The following CNGA1 variants were observed in gnomAD, a reference collection of about 807,000 sequenced individuals.
The protein encoded by CNGA1 is cyclic nucleotide-gated channel alpha-1.
A neutral mutation model predicts 69.7 loss-of-function variants in CNGA1; 53 were observed. The observed-to-expected ratio is 0.76, with a 90% CI of 0.61 to 0.96. CNGA1 has a LOEUF of 0.96. CNGA1 is among the 40% of genes least tolerant of loss of function. The pLI is 0.00. For synonymous variants in CNGA1, 249 were observed against 283.5 expected, an observed-to-expected ratio of 0.88 and a Z score of 1.22; for missense variants, 739 against 811.2, an observed-to-expected ratio of 0.91 and a Z score of 1.08.
intron 3 of CNGA1, among the ~76,000 whole-genome samples, chr4:47,965,958 T>C (rs984349580): frequency 1.3e-5 from 2 of 152,224 alleles, no homozygotes; most frequent in Admixed American, 1.3e-4. Flanking sequence ...TTCGTTGCTT[T>C]ACTGGTTTTC....
chr4:47,938,705 T>C (rs1232023878), intron 10 of CNGA1, among the ~76,000 whole-genome samples: 1 of 152,068 alleles, frequency 6.6e-6, no homozygotes, highest in Non-Finnish European at 1.5e-5. Flanking sequence ...GTCCATCTTT[T>C]GTTGTGGTAT....
intron 3 of CNGA1, among the ~76,000 whole-genome samples, chr4:47,976,131 A>C (rs2110206962): frequency 7.0e-6 from 1 of 142,950 alleles, no homozygotes; most frequent in African/African-American, 2.6e-5. Flanking sequence ...CTTTCTCCCT[A>C]AGCATTTACT....
At chr4:48,005,045 T>G (rs1714854293) in intron 2 of CNGA1, among the ~76,000 whole-genome samples, 1 of 152,176 alleles carries the variant, frequency 6.6e-6, no homozygotes, top group Non-Finnish European at 1.5e-5. Context: ...ACATAATTTT[T>G]CCTCTCCAGT....
chr4:47,951,055 C>T (rs1388302998), intron 5 of CNGA1, among the ~76,000 whole-genome samples: 1 of 152,210 alleles, frequency 6.6e-6, no homozygotes, highest in Admixed American at 6.5e-5. Flanking sequence ...CATAAATAAT[C>T]ATCGGGCAGT....
intron 3 of CNGA1, among the ~76,000 whole-genome samples, chr4:47,953,173 A>C (rs1167703090): frequency 2.6e-5 from 4 of 152,154 alleles, no homozygotes; most frequent in Non-Finnish European, 5.9e-5. Context: ...ACTATATAAT[A>C]CCATCTGTTT....
At chr4:47,969,770 A>C (rs891659479) in intron 3 of CNGA1, among the ~76,000 whole-genome samples, 30 of 152,188 alleles carry the variant, frequency 2.0e-4, no homozygotes, top group African/African-American at 6.0e-4. Context: ...ACGCCCCGCC[A>C]AAACTAAGAT....
At chr4:47,995,722 T>C (rs192492429) in intron 2 of CNGA1, among the ~76,000 whole-genome samples, 1 of 152,084 alleles carries the variant, frequency 6.6e-6, no homozygotes. Flanking sequence ...AAGAACATTG[T>C]TTTTTTATAT....
intron 6 of CNGA1, among the ~76,000 whole-genome samples, chr4:47,947,025 G>T (rs1739437857): frequency 6.6e-6 from 1 of 152,146 alleles, no homozygotes; most frequent in African/African-American, 2.4e-5. Flanking sequence ...GACCTTAGGT[G>T]GTCTGCCTGC....
intron 2 of CNGA1, among the ~76,000 whole-genome samples, chr4:47,990,977 A>G (rs1742238815): frequency 1.3e-5 from 2 of 152,160 alleles, no homozygotes; most frequent in Non-Finnish European, 2.9e-5. Context: ...TCATTAATTC[A>G]TTCCTTTTTA....
At chr4:47,983,869 G>C (rs1289469106) in intron 2 of CNGA1, among the ~76,000 whole-genome samples, 1 of 152,172 alleles carries the variant, frequency 6.6e-6, no homozygotes, top group Admixed American at 6.5e-5. Flanking sequence ...CATTTGTCCA[G>C]AGTCACAATG....
chr4:47,949,663 A>G (rs369043009), intron 6 of CNGA1, among the ~76,000 whole-genome samples, 170 bp downstream of exon 6: 33 of 152,242 alleles, frequency 2.2e-4, no homozygotes, highest in African/African-American at 7.2e-4. Context: ...ATGTATTCAA[A>G]TAAATGAATG....
intron 5 of CNGA1, among the ~76,000 whole-genome samples, chr4:47,950,415 G>T (rs112719801): frequency 0.013 from 1,953 of 152,308 alleles, 34 homozygotes; most frequent in African/African-American, 0.044. Context: ...TGTGAGTCCA[G>T]TAAGCCTCTT....
intron 2 of CNGA1, among the ~76,000 whole-genome samples, chr4:47,983,367 G>C (rs1741830398): frequency 6.6e-6 from 1 of 151,918 alleles, no homozygotes; most frequent in Non-Finnish European, 1.5e-5. Flanking sequence ...GAGGCGGGTA[G>C]ATCACAAAGT....
chr4:47,997,979 T>C (rs1714464029), intron 2 of CNGA1, among the ~76,000 whole-genome samples: 1 of 152,128 alleles, frequency 6.6e-6, no homozygotes, highest in Non-Finnish European at 1.5e-5. Flanking sequence ...AGATGAACCA[T>C]CATAAGTAAA....
At chr4:47,944,039 A>G (rs1200326001) in intron 6 of CNGA1, among the ~76,000 whole-genome samples, 1 of 152,242 alleles carries the variant, frequency 6.6e-6, no homozygotes, top group Non-Finnish European at 1.5e-5. Context: ...CTGAAGTCAG[A>G]CAGACCTAGG....
intron 2 of CNGA1, among the ~76,000 whole-genome samples, chr4:48,008,437 C>T (rs1429380275): frequency 1.3e-5 from 2 of 152,096 alleles, no homozygotes; most frequent in African/African-American, 4.8e-5. Flanking sequence ...GTTTTGTACA[C>T]AACCTTTAAG....
intron 10 of CNGA1, among the ~76,000 whole-genome samples, chr4:47,938,950 G>A (rs578227549): frequency 2.0e-5 from 3 of 146,738 alleles, no homozygotes; most frequent in Non-Finnish European, 4.5e-5. Context: ...GAGGGATGGA[G>A]GGAGGGAGGG....
chr4:47,949,695 G>T, intron 6 of CNGA1, 138 bp downstream of exon 6: 1 of 660,930 alleles, frequency 1.5e-6, no homozygotes, highest in Non-Finnish European at 2.6e-6. Context: ...TCAACAAAAT[G>T]ATAAGACTAT....
chr4:47,968,305 T>A (rs893368939), intron 3 of CNGA1, among the ~76,000 whole-genome samples: 7 of 152,160 alleles, frequency 4.6e-5, no homozygotes, highest in African/African-American at 1.7e-4. Flanking sequence ...ATAACAGATA[T>A]TTTTTAATAT....
Sources: gnomAD v4.1 joint callset for allele counts (sites outside exome capture counted in the v4.1 genomes callset) on GRCh38, gnomAD v4.1.1 for gene constraint, MANE v1.5 for transcripts, NCBI Gene and HGNC (gene_info 2026-07-23, HGNC 2026-07-21) for gene names.